The following ESR1 variants were observed in gnomAD, a reference collection of about 807,000 sequenced individuals.
ESR1 encodes estrogen receptor.
Under a neutral mutation model 52.7 loss-of-function variants are expected in ESR1, and 12 were observed. The observed-to-expected ratio is 0.23, with a 90% confidence interval of 0.15 to 0.37. ESR1 has a LOEUF of 0.37. Ranked by LOEUF, ESR1 falls within the 10% of genes least tolerant of loss-of-function variation. ESR1 has a pLI of 1.00. For synonymous variants in ESR1, 305 were observed against 316.8 expected (o/e 0.96, Z 0.39); for missense variants, 584 against 779.7 (o/e 0.75, Z 2.99).
intron 1 of ESR1, among the ~76,000 whole-genome samples, chr6:151,691,526 T>C (rs1048339570): frequency 2.6e-5 from 4 of 152,212 alleles, no homozygotes; most frequent in Non-Finnish European, 5.9e-5. Flanking sequence ...ATTTACTCGA[T>C]AGAAGGGTTG....
intron 6 of ESR1, among the ~76,000 whole-genome samples, chr6:152,117,489 A>G (rs1174569657): frequency 6.6e-6 from 1 of 152,204 alleles, no homozygotes; most frequent in Non-Finnish European, 1.5e-5. Flanking sequence ...TTTCAAATTC[A>G]GTTATGTTCC....
At chr6:151,910,884 G>A (rs924597398) in intron 3 of ESR1, among the ~76,000 whole-genome samples, 2 of 152,282 alleles carry the variant, frequency 1.3e-5, no homozygotes, top group African/African-American at 4.8e-5. Flanking sequence ...TTTCCTGGAC[G>A]ACAGTATTTC....
intron 2 of ESR1, among the ~76,000 whole-genome samples, chr6:151,761,511 G>A (rs9371551): frequency 0.067 from 10,258 of 152,150 alleles, 680 homozygotes; most frequent in East Asian, 0.29. Context: ...TCAAATCCCT[G>A]CTTTTCTACT....
In ESR1 at chr6:152,061,251, T is replaced by C. The variant is rs1482156812; in HGVS notation, c.1369+127T>C. The C allele has an allele frequency of 1.1e-6, 1 of 888,872 alleles. No individual in the cohort carries two copies. The highest frequency in any genetic ancestry group is 2.6e-5 in the East Asian group (1 of 39,096). The allele number at this position is 888,872 out of a possible 1,614,324, so 55.1% of individuals were successfully genotyped here. On this transcript the variant is annotated intron_variant, in intron 6 of 7. Coordinates refer to ENST00000206249, the MANE Select transcript of ESR1 (RefSeq NM_000125.4). The surrounding 1 kb of genome is among the most constrained non-coding windows in gnomAD (Gnocchi z 4.3). ...AGAAAGAAACTACTGACACACGTTT[T>C]AAAATAACCTACCAACATTGCAGAT...
intron 1 of ESR1, among the ~76,000 whole-genome samples, chr6:151,827,428 C>G (rs1190374016): frequency 6.6e-6 from 1 of 151,292 alleles, no homozygotes; most frequent in Admixed American, 6.6e-5. Flanking sequence ...ACAGAGTCCT[C>G]AGGACTCTGG....
At chr6:151,996,046 A>G (rs376326407) in intron 4 of ESR1, among the ~76,000 whole-genome samples, 35 of 152,244 alleles carry the variant, frequency 2.3e-4, no homozygotes, top group African/African-American at 7.9e-4. Flanking sequence ...GCTGCATCAC[A>G]CTGAATATCA....
intron 6 of ESR1, among the ~76,000 whole-genome samples, chr6:152,116,746 CTATTT>C (rs1162536350): frequency 6.6e-6 from 1 of 151,098 alleles, no homozygotes; most frequent in Non-Finnish European, 1.5e-5. Context: ...TTATTTATAT[CTATTT>C]TATTTTGTTT....
chr6:152,099,867 G>A lies in ESR1; in HGVS notation c.*901G>A, dbSNP rs1030909806. The A allele has an allele frequency of 3.3e-5, 13 of 396,898 alleles. No homozygotes were observed. The highest frequency in any genetic ancestry group is 2.1e-4 in the East Asian group (6 of 28,056). 24.6% of individuals were successfully genotyped at this position (396,898 alleles called of 1,614,324 possible). ...GTGGGCACTGTACTTGGATCTTCCC[G>A]GCGTGTGTGTGCCTTACACAGGGGT... On this transcript the variant is annotated 3_prime_UTR_variant, in exon 8 of 8. Transcript: ENST00000206249.
chr6:152,077,199 G>T (rs2048808818), intron 6 of ESR1, among the ~76,000 whole-genome samples: 1 of 145,844 alleles, frequency 6.9e-6, no homozygotes, highest in Admixed American at 6.6e-5. Context: ...ATTGCTAAAA[G>T]GGGCTGAGGT....
At chr6:151,850,347 G>A (rs1297354540) in intron 2 of ESR1, among the ~76,000 whole-genome samples, 1 of 147,950 alleles carries the variant, frequency 6.8e-6, no homozygotes. Flanking sequence ...AAGAAAATTT[G>A]GACACAAACA....
intron 1 of ESR1, among the ~76,000 whole-genome samples, chr6:151,694,748 T>C (rs1270159611): frequency 6.6e-6 from 1 of 151,764 alleles, no homozygotes; most frequent in Admixed American, 6.6e-5. Context: ...GATTGTGCCA[T>C]TGAACTCCCA....
chr6:151,998,095 G>A (rs995783774), intron 4 of ESR1, among the ~76,000 whole-genome samples: 4 of 152,228 alleles, frequency 2.6e-5, no homozygotes, highest in African/African-American at 9.6e-5. Context: ...TAACAAATTA[G>A]ATATTTTCCT....
intron 2 of ESR1, among the ~76,000 whole-genome samples, chr6:151,779,600 G>A (rs1583249614): frequency 6.6e-6 from 1 of 152,154 alleles, no homozygotes; most frequent in Admixed American, 6.5e-5. Flanking sequence ...TTCAACCATT[G>A]TGGAAGACAG....
At chr6:151,973,841 A>G (rs987085640) in intron 4 of ESR1, among the ~76,000 whole-genome samples, 2 of 152,210 alleles carry the variant, frequency 1.3e-5, no homozygotes, top group Admixed American at 6.5e-5. Flanking sequence ...TTCATAATTC[A>G]GACTCAGAGG....
In ESR1 at chr6:151,768,019, G is replaced by A. The variant is rs1785205750; in HGVS notation, c.-70-39824G>A. ...GTGTCCAGGAAAAAGGTAAGGTATG[G>A]GGAATGTGGAGCAATAATTATTTGA... On this transcript the variant is annotated intron_variant, in intron 2 of 2. Coordinates refer to the ESR1 transcript ENST00000404742. Among the ~76,000 whole-genome samples the A allele has an allele frequency of 2.0e-5, 3 of 152,184 alleles. No individual in the cohort carries two copies. In the South Asian group the frequency reaches 6.2e-4, roughly 32 times the overall value.
chr6:152,092,500 C>T (rs1298230900), intron 6 of ESR1, among the ~76,000 whole-genome samples: 2 of 152,112 alleles, frequency 1.3e-5, no homozygotes, highest in South Asian at 2.1e-4. Context: ...CCATGTTATC[C>T]GCATAAAGTC....
chr6:152,082,717 T>C (rs2049334571), intron 6 of ESR1, among the ~76,000 whole-genome samples: 2 of 152,162 alleles, frequency 1.3e-5, no homozygotes, highest in East Asian at 3.8e-4. Context: ...GAAAACCCCA[T>C]TGTCTCAGCC....
chr6:152,082,640 G>T (rs779413949), intron 6 of ESR1, among the ~76,000 whole-genome samples: 19 of 152,146 alleles, frequency 1.2e-4, no homozygotes, highest in Non-Finnish European at 2.4e-4. Flanking sequence ...AAGAAATAAA[G>T]GGTATTCAGT....
chr6:152,122,231 T>C, intron 6 of ESR1: 1 of 763,682 alleles, frequency 1.3e-6, no homozygotes. Context: ...CTTCCAAACC[T>C]TCTTGTTGTC....
Sources: allele counts gnomAD v4.1 joint callset (sites outside exome capture counted in the v4.1 genomes callset), GRCh38; gene constraint gnomAD v4.1.1; non-coding constraint Gnocchi (gnomAD v3.1); transcripts MANE v1.5; gene names NCBI Gene and HGNC (gene_info 2026-07-23, HGNC 2026-07-21).